Variants in PRKAR1B observed in about 807,000 individuals in gnomAD.
PRKAR1B encodes the protein protein kinase cAMP-dependent type I regulatory subunit beta.
PRKAR1B carries 22 observed loss-of-function variants against 46.5 expected under a neutral mutation model. That is an observed-to-expected ratio of 0.47 (90% CI 0.34 to 0.68). PRKAR1B has a LOEUF of 0.68. Among genes scored for constraint, PRKAR1B ranks in the 30% least tolerant of loss-of-function variants. The pLI, the probability that PRKAR1B is intolerant of heterozygous loss-of-function variation, is 0.01. For synonymous variants in PRKAR1B, 259 were observed against 217.7 expected, an observed-to-expected ratio of 1.19 and a Z score of -1.67; for missense variants, 445 against 535.6, an observed-to-expected ratio of 0.83 and a Z score of 1.67.
At chr7:640,765 A>AACACACAC (rs71546454) in intron 4 of PRKAR1B, among the ~76,000 whole-genome samples, 2,811 of 108,086 alleles carry the variant, frequency 0.026, 46 homozygotes, top group Non-Finnish European at 0.031. Context: ...CTCTGTCTCA[A>AACACACAC]ACACACACAC....
At chr7:718,474 A>G (rs1780961784) in intron 1 of PRKAR1B, among the ~76,000 whole-genome samples, 3 of 150,952 alleles carry the variant, frequency 2.0e-5, no homozygotes, top group Admixed American at 1.3e-4. Context: ...CTCCTGCCTC[A>G]GCCTCCCAAG....
chr7:594,659 G>C (rs983954246), intron 7 of PRKAR1B, among the ~76,000 whole-genome samples: 1 of 152,126 alleles, frequency 6.6e-6, no homozygotes, highest in East Asian at 1.9e-4. Context: ...CCAAGACCAT[G>C]AGGGGACCCC....
At chr7:708,954 G>A (rs866694745) in intron 2 of PRKAR1B, among the ~76,000 whole-genome samples, 3 of 150,914 alleles carry the variant, frequency 2.0e-5, no homozygotes, top group Non-Finnish European at 3.0e-5. Context: ...CACCACACCC[G>A]GCTAATTTTT....
In PRKAR1B at chr7:714,012, C is replaced by G. The variant is rs969109646; in HGVS notation, c.-22-2485G>C. ...ACAACCCACTCAGACCTCTGGCTCT[C>G]CCAGCCCTGGCCTGCCTGGAGCTGC... On this transcript the variant is annotated intron_variant, in intron 1 of 10. Transcript: ENST00000537384. This position sits in a 1 kb window ranked among gnomAD's most constrained non-coding sequence, Gnocchi z 4.3. Among the ~76,000 whole-genome samples, 1 of 152,192 alleles carries G rather than the reference C, an allele frequency of 6.6e-6. No homozygotes were observed. Among genetic ancestry groups the G allele is most frequent in the African/African-American group, 2.4e-5 (1 of 41,442 alleles).
At chr7:688,715 C>T (rs1006470886) in intron 2 of PRKAR1B, among the ~76,000 whole-genome samples, 20 of 152,188 alleles carry the variant, frequency 1.3e-4, no homozygotes, top group African/African-American at 4.6e-4. Context: ...TCCCAATACG[C>T]CTCTCCTCCC....
intron 2 of PRKAR1B, chr7:691,811 C>G (rs960756632): frequency 2.5e-6 from 3 of 1,184,984 alleles, no homozygotes; most frequent in Non-Finnish European, 3.2e-6. Flanking sequence ...GGCGCATCCC[C>G]TGAACTCCCT....
chr7:689,297 A>T (rs1255870726), intron 2 of PRKAR1B, among the ~76,000 whole-genome samples: 3 of 151,432 alleles, frequency 2.0e-5, no homozygotes, highest in Non-Finnish European at 4.4e-5. Flanking sequence ...AATTTTTTGT[A>T]TTTTTAGTAG....
intron 4 of PRKAR1B, among the ~76,000 whole-genome samples, chr7:623,665 C>T (rs1783229697): frequency 2.0e-5 from 3 of 152,240 alleles, no homozygotes. Context: ...GGTGGAAATT[C>T]TCACGTTCTC....
chr7:716,764 C>G (rs1247089340), intron 1 of PRKAR1B: 1 of 152,224 alleles, frequency 6.6e-6, no homozygotes, highest in Non-Finnish European at 1.5e-5. Flanking sequence ...GAGGTGGGAT[C>G]TGTAGGTGGG....
chr7:701,152 C>T (rs1780038528), intron 2 of PRKAR1B, among the ~76,000 whole-genome samples: 2 of 149,820 alleles, frequency 1.3e-5, no homozygotes, highest in South Asian at 2.1e-4. Context: ...CGCACCACTG[C>T]ACTCCAGCCT....
rs1274290312 is a variant in PRKAR1B at position 579,451 on chromosome 7, C to T, written c.770-74G>A. 4.8e-5 allele frequency: 76 copies of T among 1,579,078 alleles called. 1 individual carries two copies. In the South Asian group the frequency reaches 7.6e-4, roughly 16 times the overall value. ...AGCCACAGTCCAAGACAAGGGCCAC[C>T]GCTCTTCCCGAAAGGTGTCCTCAGA... On this transcript the variant is annotated intron_variant, in intron 8 of 10. Coordinates refer to ENST00000537384, the MANE Select transcript of PRKAR1B (RefSeq NM_001164760.2).
chr7:579,870 G>C (rs1342173053), intron 8 of PRKAR1B, among the ~76,000 whole-genome samples: 2 of 152,326 alleles, frequency 1.3e-5, no homozygotes, highest in Middle Eastern at 3.4e-3. Context: ...GCTGAGGCAG[G>C]AGGATCGCTT....
chr7:728,744 T>C (rs551247914), upstream of PRKAR1B, among the ~76,000 whole-genome samples: 264 of 152,314 alleles, frequency 1.7e-3, no homozygotes, highest in Middle Eastern at 6.8e-3. Flanking sequence ...TGCTGGGGTA[T>C]GTGCTCACTG....
intron 4 of PRKAR1B, among the ~76,000 whole-genome samples, chr7:669,699 G>A (rs540590560): frequency 3.0e-4 from 46 of 151,830 alleles, no homozygotes; most frequent in Non-Finnish European, 6.2e-4. Context: ...AGGAGACGGA[G>A]GTTGCAGTGA....
chr7:557,449 C>T (rs1226915962), intron 9 of PRKAR1B, among the ~76,000 whole-genome samples: 1 of 152,250 alleles, frequency 6.6e-6, no homozygotes, highest in Non-Finnish European at 1.5e-5. Context: ...GCTGATACAC[C>T]ACCCTGCACA....
intron 8 of PRKAR1B, among the ~76,000 whole-genome samples, chr7:583,134 G>A (rs1037781594): frequency 2.0e-5 from 3 of 152,066 alleles, no homozygotes; most frequent in South Asian, 2.1e-4. Context: ...GGATGGGAGC[G>A]GTGCCGACAA....
chr7:624,438 A>G (rs1047776615), intron 4 of PRKAR1B, among the ~76,000 whole-genome samples: 4 of 136,406 alleles, frequency 2.9e-5, no homozygotes, highest in East Asian at 2.0e-4. Flanking sequence ...TCTCAAAAAG[A>G]AAAAAAAAAA....
At chr7:724,045 C>T (rs1307646730) in intron 1 of PRKAR1B, among the ~76,000 whole-genome samples, 2 of 152,148 alleles carry the variant, frequency 1.3e-5, no homozygotes, top group African/African-American at 2.4e-5. Context: ...CTCATCTCAC[C>T]TCAATCACGT....
At chr7:566,220 A>AT (rs1562523314) in intron 9 of PRKAR1B, among the ~76,000 whole-genome samples, 1 of 152,014 alleles carries the variant, frequency 6.6e-6, no homozygotes, top group Admixed American at 6.5e-5. Flanking sequence ...CACCATGACC[A>AT]TCATGGTCAT....
Sources: gnomAD v4.1 joint callset for allele counts (sites outside exome capture counted in the v4.1 genomes callset) on GRCh38, gnomAD v4.1.1 for gene constraint, Gnocchi (gnomAD v3.1) non-coding constraint, MANE v1.5 for transcripts, NCBI Gene and HGNC (gene_info 2026-07-23, HGNC 2026-07-21) for gene names.